Variants in KCNN2 observed in about 807,000 individuals in gnomAD.
KCNN2 encodes the protein small conductance calcium-activated potassium channel protein 2.
A neutral mutation model predicts 55.5 loss-of-function variants in KCNN2; 24 were observed. That is an observed-to-expected ratio of 0.43 (90% CI 0.31 to 0.61). KCNN2 has a LOEUF of 0.61. Among genes scored for constraint, KCNN2 ranks in the 20% least tolerant of loss-of-function variants. The pLI is 0.08. For missense variants in KCNN2, 754 were observed against 853.6 expected (o/e 0.88, Z 1.45); for synonymous variants, 431 against 336.1 (o/e 1.28, Z -3.09).
At position 114,277,402 on chromosome 5, in the gene KCNN2, A is replaced by C. The variant is rs902284280; in HGVS notation, c.-185+55837A>C. On this transcript the variant is annotated intron_variant, in intron 2 of 10. Coordinates refer to the KCNN2 transcript ENST00000512097. The stretch of plus-strand genomic sequence containing the variant: ...TTGGCCTGCCTTGCTAGGTTGGGGA[A>C]GTTCTCTTGGATAATATCCTGAAGA... Among the ~76,000 whole-genome samples the C allele has an allele frequency of 5.9e-5, 9 of 152,266 alleles. No homozygotes were observed. The East Asian group carries it at 1.7e-3, about 29-fold the overall frequency.
rs1347338421 is a variant in KCNN2 at position 114,362,928 on chromosome 5, A to AGCC, written c.792_794dup (p.Ala270dup). 1.2e-5 allele frequency: 18 copies of AGCC among 1,556,628 alleles called. No homozygotes were observed. In the East Asian group the frequency reaches 1.5e-4, roughly 13 times the overall value. Reference sequence around the variant, plus strand: ...GTGGCGGCGCGTCCTCCCCGTCTGCAGCCGCTGCCGCCGCCGCCGCTGTTT... The same window carrying AGCC: ...GTGGCGGCGCGTCCTCCCCGTCTGCAGCCGCCGCTGCCGCCGCCGCCGCTGTTT... On this transcript the variant is annotated inframe_insertion, in exon 1 of 8. Coordinates refer to ENST00000673685, the MANE Select transcript of KCNN2 (RefSeq NM_021614.4).
intron 5 of KCNN2, among the ~76,000 whole-genome samples, chr5:114,475,627 A>G (rs982287543): frequency 2.0e-5 from 3 of 151,944 alleles, no homozygotes; most frequent in Non-Finnish European, 2.9e-5. Flanking sequence ...GAGTATTCCA[A>G]AGATTTTAAG....
intron 4 of KCNN2, among the ~76,000 whole-genome samples, chr5:114,471,813 T>A (rs772398330): frequency 3.3e-5 from 5 of 152,204 alleles, no homozygotes; most frequent in African/African-American, 4.8e-5. Flanking sequence ...TGTGGCAATG[T>A]TTCCATGATC....
rs73779796 is a variant in KCNN2, at chr5:114,324,721, G to A, written c.-184-36224G>A. 1.6e-4 allele frequency among the ~76,000 whole-genome samples: 25 copies of A among 152,316 alleles called. 1 individual carries two copies. The highest frequency in any genetic ancestry group is 6.0e-4 in the African/African-American group (25 of 41,570). On this transcript the variant is annotated intron_variant, in intron 2 of 10. Coordinates refer to the KCNN2 transcript ENST00000512097. ...TCCAGATTTTGGTACCTGGAAGTAG[G>A]ATGCTGCTATAACAAATCCTTGAAA...
chr5:114,460,360 A>G (rs1233464653), intron 3 of KCNN2, among the ~76,000 whole-genome samples: 1 of 152,054 alleles, frequency 6.6e-6, no homozygotes, highest in Admixed American at 6.6e-5. Context: ...CCCCTCCCTC[A>G]GCCTCCCAAG....
At chr5:114,126,343 G>T (rs553088780) in intron 1 of KCNN2, among the ~76,000 whole-genome samples, 2 of 152,176 alleles carry the variant, frequency 1.3e-5, no homozygotes, top group African/African-American at 4.8e-5. Flanking sequence ...CAGCATGGCT[G>T]GGGAGGCCTC....
intron 1 of KCNN2, among the ~76,000 whole-genome samples, chr5:114,195,890 T>C (rs1359772450): frequency 1.3e-5 from 2 of 152,048 alleles, no homozygotes; most frequent in Non-Finnish European, 2.9e-5. Flanking sequence ...AGGTTTATCA[T>C]GAGTGAGTAT....
chr5:114,388,474 A>G (rs142040889), intron 2 of KCNN2, among the ~76,000 whole-genome samples: 111 of 152,218 alleles, frequency 7.3e-4, no homozygotes, highest in African/African-American at 2.6e-3. Flanking sequence ...CCATCATACT[A>G]TTGATGTCCC....
chr5:114,313,345 GA>G (rs895727255), intron 2 of KCNN2, among the ~76,000 whole-genome samples: 2 of 151,990 alleles, frequency 1.3e-5, no homozygotes, highest in African/African-American at 4.8e-5. Context: ...AATTTTAATT[GA>G]ACTCTTCAGA....
At chr5:114,407,209 ATTC>A (rs1451304287) in intron 3 of KCNN2, among the ~76,000 whole-genome samples, 1 of 151,970 alleles carries the variant, frequency 6.6e-6, no homozygotes, top group African/African-American at 2.4e-5. Context: ...ATTTTTCTGA[ATTC>A]TTTAATGATT....
At chr5:114,104,319 C>A (rs929702975) in intron 1 of KCNN2, among the ~76,000 whole-genome samples, 12 of 151,858 alleles carry the variant, frequency 7.9e-5, no homozygotes, top group African/African-American at 2.7e-4. Context: ...TGTCTCTTTT[C>A]TTCTTTATTA....
At chr5:114,232,096 G>A (rs1028581086) in intron 2 of KCNN2, among the ~76,000 whole-genome samples, 4 of 151,016 alleles carry the variant, frequency 2.6e-5, no homozygotes, top group African/African-American at 9.9e-5. Context: ...GAATCCCAGT[G>A]TCCCTGTCCC....
chr5:114,120,989 G>C (rs750390819), intron 1 of KCNN2, among the ~76,000 whole-genome samples: 6 of 152,150 alleles, frequency 3.9e-5, no homozygotes, highest in Non-Finnish European at 8.8e-5. Context: ...TTATCAATTG[G>C]GGTGTCTTGT....
rs1033656768 is a variant in KCNN2, at chr5:114,362,404, C to G, written c.265C>G (p.Leu89Val). 14 of 285,184 alleles carry G rather than the reference C, an allele frequency of 4.9e-5. No individual in the cohort carries two copies. Among genetic ancestry groups the G allele is most frequent in the African/African-American group, 3.1e-4 (14 of 44,600 alleles). The allele number at this position is 285,184 out of a possible 1,614,324, so 17.7% of individuals were successfully genotyped here. Residue 89 changes from leucine to valine, a missense_variant, in exon 1 of 8, where the codon CTG (leucine) becomes GTG (valine). Leu to Val is a conservative substitution (Grantham distance 32). Transcript: ENST00000673685. ...AAGAGDNLSL[L>V]LRTSSPGGAF... ...GGGGGCGGGAGATAACCTGTCCCTGCTGCTCCGCACCTCCTCGCCCGGCGG... is the reference window on the plus strand; with the variant it reads ...GGGGGCGGGAGATAACCTGTCCCTGGTGCTCCGCACCTCCTCGCCCGGCGG...
chr5:114,485,230 C>T (rs1265095280), intron 5 of KCNN2, among the ~76,000 whole-genome samples: 1 of 152,138 alleles, frequency 6.6e-6, no homozygotes, highest in Admixed American at 6.6e-5. Flanking sequence ...GCTTCCTCAC[C>T]AGGCAGGGAT....
At chr5:114,249,735 C>A (rs7703847) in intron 2 of KCNN2, among the ~76,000 whole-genome samples, 13,508 of 118,396 alleles carry the variant, frequency 0.11, 791 homozygotes, top group Admixed American at 0.14. Context: ...TAAAAAAAAA[C>A]CCTAGCTTCA....
intron 1 of KCNN2, among the ~76,000 whole-genome samples, chr5:114,065,447 G>T (rs944264737): frequency 1.3e-5 from 2 of 152,174 alleles, no homozygotes; most frequent in African/African-American, 4.8e-5. Context: ...TGAGGTGAAT[G>T]ATTTTTTTGT....
chr5:114,352,615 A>G (rs760136280), intron 2 of KCNN2, among the ~76,000 whole-genome samples: 7 of 151,480 alleles, frequency 4.6e-5, no homozygotes, highest in Admixed American at 1.3e-4. Context: ...AGGTTTTTGC[A>G]TGTTGTGATT....
At chr5:114,085,729 T>C (rs1261753835) in intron 1 of KCNN2, among the ~76,000 whole-genome samples, 2 of 152,100 alleles carry the variant, frequency 1.3e-5, no homozygotes, top group Non-Finnish European at 2.9e-5. Context: ...TTTGTAAATA[T>C]CAATTAAGTC....
Sources: allele counts gnomAD v4.1 joint callset (sites outside exome capture counted in the v4.1 genomes callset), GRCh38; gene constraint gnomAD v4.1.1; transcripts MANE v1.5; gene names NCBI Gene and HGNC (gene_info 2026-07-23, HGNC 2026-07-21).